The following PITPNM2 variants were observed in gnomAD, a reference collection of about 807,000 sequenced individuals.
The protein encoded by PITPNM2 is membrane-associated phosphatidylinositol transfer protein 2.
Under a neutral mutation model 132.2 loss-of-function variants are expected in PITPNM2, and 35 were observed. The observed-to-expected ratio is 0.26, with a 90% CI of 0.20 to 0.35. The LOEUF (loss-of-function observed/expected upper bound fraction) is 0.35. Ranked by LOEUF, PITPNM2 falls within the 10% of genes least tolerant of loss-of-function variation. PITPNM2 has a pLI of 1.00. For synonymous variants in PITPNM2, 738 were observed against 799.2 expected (o/e 0.92, Z 1.29); for missense variants, 1,332 against 1,912.0 (o/e 0.70, Z 5.66).
At chr12:123,085,820 C>T (rs1441294224) in intron 2 of PITPNM2, among the ~76,000 whole-genome samples, 1 of 152,212 alleles carries the variant, frequency 6.6e-6, no homozygotes, top group African/African-American at 2.4e-5. Flanking sequence ...ATGCTTAAAG[C>T]ACAGCGCAGA....
intron 3 of PITPNM2, among the ~76,000 whole-genome samples, chr12:123,029,501 G>A (rs1185523305): frequency 3.3e-5 from 5 of 152,198 alleles, no homozygotes; most frequent in South Asian, 4.1e-4. Context: ...CAGAGGAATC[G>A]CTTAAACCCG....
Position 123,004,326 on chromosome 12 carries a change from A to T in PITPNM2, c.1048+68T>A. ...CGCATCAGTCCACACCCACACCCTA[A>T]GCCCTTTCAGACCCCTCCCCACCTC... On this transcript the variant is annotated intron_variant, in intron 8 of 25. Transcript: ENST00000320201. The surrounding 1 kb of genome is among the most constrained non-coding windows in gnomAD (Gnocchi z 4.9). 1 of 1,459,502 alleles carries T rather than the reference A, an allele frequency of 6.9e-7. No homozygotes were observed. Among genetic ancestry groups the T allele is most frequent in the Admixed American group, 1.7e-5 (1 of 58,652 alleles). 90.4% of individuals were successfully genotyped at this position (1,459,502 alleles called of 1,614,324 possible).
intron 3 of PITPNM2, among the ~76,000 whole-genome samples, chr12:123,015,120 C>G (rs2039370150): frequency 6.6e-6 from 1 of 152,186 alleles, no homozygotes; most frequent in African/African-American, 2.4e-5. Context: ...CCCAAACAAC[C>G]TACAGATATA....
intron 2 of PITPNM2, among the ~76,000 whole-genome samples, chr12:123,039,292 A>G (rs1000766204): frequency 2.0e-5 from 3 of 152,234 alleles, no homozygotes; most frequent in Non-Finnish European, 4.4e-5. Context: ...TCAAAAAAAA[A>G]GAAAAAATTA....
At chr12:123,135,127 A>G (rs953310728) in intron 1 of PITPNM2, among the ~76,000 whole-genome samples, 3 of 152,110 alleles carry the variant, frequency 2.0e-5, no homozygotes, top group Non-Finnish European at 2.9e-5. Flanking sequence ...CACTTTACAC[A>G]TGCTGAATTA....
At chr12:123,071,829 A>G (rs552690245) in intron 2 of PITPNM2, among the ~76,000 whole-genome samples, 1 of 75,592 alleles carries the variant, frequency 1.3e-5, no homozygotes, top group African/African-American at 4.8e-5. Context: ...TGGGTCACAC[A>G]GCCAGGACTC....
chr12:123,005,165 G>C lies in PITPNM2; in HGVS notation c.952+75C>G. 3.3e-6 allele frequency: 5 copies of C among 1,500,986 alleles called. No individual in the cohort carries two copies. In the East Asian group the frequency reaches 1.1e-4, roughly 34 times the overall value. The allele number at this position is 1,500,986 out of a possible 1,614,324, so 93.0% of individuals were successfully genotyped here. On this transcript the variant is annotated intron_variant, in intron 7 of 25. Coordinates refer to ENST00000320201, the MANE Select transcript of PITPNM2 (RefSeq NM_020845.3). The surrounding 1 kb of genome is among the most constrained non-coding windows in gnomAD (Gnocchi z 6.2). ...TGGGAAAGAACTCTGAGGAGGTGCA[G>C]TGATCCAGCAGTGTGTGGGGCTGCC...
intron 3 of PITPNM2, among the ~76,000 whole-genome samples, chr12:123,026,075 C>T (rs541926036): frequency 2.6e-5 from 4 of 152,170 alleles, no homozygotes; most frequent in East Asian, 1.9e-4. Context: ...ATAGGTGCTC[C>T]GTAAATTCTT....
intron 2 of PITPNM2, among the ~76,000 whole-genome samples, chr12:123,042,995 T>C (rs1447189403): frequency 6.6e-6 from 1 of 152,076 alleles, no homozygotes; most frequent in Admixed American, 6.6e-5. Context: ...TGCCTCTCTG[T>C]GTCCTGGAGC....
At chr12:123,132,643 A>G (rs906216053) in intron 1 of PITPNM2, among the ~76,000 whole-genome samples, 2 of 151,902 alleles carry the variant, frequency 1.3e-5, no homozygotes. Context: ...TATCCCAACC[A>G]GAAGCTTTGT....
At position 122,992,976 on chromosome 12, in the gene PITPNM2, C is replaced by T. The variant is rs188618543; in HGVS notation, c.2234-307G>A. 2.6e-4 allele frequency among the ~76,000 whole-genome samples: 40 copies of T among 152,160 alleles called. No homozygotes were observed. The highest frequency in any genetic ancestry group is 9.4e-4 in the African/African-American group (39 of 41,488). On this transcript the variant is annotated intron_variant, in intron 15 of 25. Transcript: ENST00000320201. The surrounding 1 kb of genome is among the most constrained non-coding windows in gnomAD (Gnocchi z 6.5). ...GAGTAGCTGGGACCACAGGTGTGCA[C>T]CACCACACCTGGCTTTTTTATTTTA...
rs1373937652 is a variant in PITPNM2 at position 123,097,511 on chromosome 12, G to A, written c.-96+12874C>T. Among the ~76,000 whole-genome samples, 1 of 152,150 alleles carries A rather than the reference G, an allele frequency of 6.6e-6. No homozygotes were observed. Among genetic ancestry groups the A allele is most frequent in the Non-Finnish European group, 1.5e-5 (1 of 68,024 alleles). On this transcript the variant is annotated intron_variant, in intron 2 of 25. Coordinates refer to ENST00000320201, the MANE Select transcript of PITPNM2 (RefSeq NM_020845.3). The surrounding 1 kb of genome is among the most constrained non-coding windows in gnomAD (Gnocchi z 4.7). ...ACAGGCACAAGTGAGCTGTGGCTGG[G>A]AGTCAGGAAGGGAGATTGTCTTTCT...
chr12:123,015,123 C>T (rs1348047887), intron 3 of PITPNM2, among the ~76,000 whole-genome samples: 1 of 152,182 alleles, frequency 6.6e-6, no homozygotes, highest in Non-Finnish European at 1.5e-5. Context: ...AAACAACCTA[C>T]AGATATAATG....
At position 123,058,134 on chromosome 12, in the gene PITPNM2, C is replaced by T. The variant is rs531854899; in HGVS notation, c.-95-23449G>A. Among the ~76,000 whole-genome samples the T allele has an allele frequency of 4.6e-5, 7 of 152,266 alleles. No homozygotes were observed. The South Asian group carries it at 1.2e-3, about 27-fold the overall frequency. ...CACTTCTTCTTTTTGGGCATTTTGTCGGAAGGATAAACCAAGGCCAGGTGA... is the reference window on the plus strand; with the variant it reads ...CACTTCTTCTTTTTGGGCATTTTGTTGGAAGGATAAACCAAGGCCAGGTGA... On this transcript the variant is annotated intron_variant, in intron 2 of 25. Coordinates refer to ENST00000320201, the MANE Select transcript of PITPNM2 (RefSeq NM_020845.3). This position sits in a 1 kb window ranked among gnomAD's most constrained non-coding sequence, Gnocchi z 4.0.
At position 123,016,282 on chromosome 12, in the gene PITPNM2, C is replaced by T. The variant is rs562687145; in HGVS notation, c.79-2240G>A. Among the ~76,000 whole-genome samples, 96 of 150,370 alleles carry T rather than the reference C, an allele frequency of 6.4e-4. No homozygotes were observed. The South Asian group carries it at 8.2e-3, about 13-fold the overall frequency. ...CAGAGGTTGCAGTGAGCCAAGATCG[C>T]GCCACTGCAGTCCAGCCTGGGTGAC... On this transcript the variant is annotated intron_variant, in intron 3 of 25. Coordinates refer to ENST00000320201, the MANE Select transcript of PITPNM2 (RefSeq NM_020845.3).
chr12:123,107,967 T>C (rs965431048), intron 2 of PITPNM2, among the ~76,000 whole-genome samples: 7 of 152,156 alleles, frequency 4.6e-5, no homozygotes, highest in Non-Finnish European at 7.4e-5. Context: ...GAGAGGCTAA[T>C]GCGGACCCAG....
At chr12:123,137,220 A>T (rs2043401569) in intron 1 of PITPNM2, among the ~76,000 whole-genome samples, 1 of 151,998 alleles carries the variant, frequency 6.6e-6, no homozygotes, top group South Asian at 2.1e-4. Flanking sequence ...TGCCTTCCCT[A>T]CCACTATCTG....
Position 122,984,548 on chromosome 12 carries a change from A to G in PITPNM2, c.*1479T>C, listed in dbSNP as rs1258817552. On this transcript the variant is annotated 3_prime_UTR_variant, in exon 26 of 26. Coordinates refer to ENST00000320201, the MANE Select transcript of PITPNM2 (RefSeq NM_020845.3). ...CCAGACTTTTTTCTCTGCACAAAAT[A>G]AATAGCTTTCACTCTGTATAGACCC... The G allele has an allele frequency of 6.6e-6, 1 of 152,356 alleles. No individual in the cohort carries two copies. The highest frequency in any genetic ancestry group is 2.4e-5 in the African/African-American group (1 of 41,466). The allele number at this position is 152,356 out of a possible 1,614,324, so 9.4% of individuals were successfully genotyped here.
rs1177945484 is a variant in PITPNM2 at position 122,995,566 on chromosome 12, C to T, written c.1877G>A (p.Gly626Asp). The T allele has an allele frequency of 6.2e-7, 1 of 1,608,512 alleles. No homozygotes were observed. Among genetic ancestry groups the T allele is most frequent in the Non-Finnish European group, 8.5e-7 (1 of 1,179,838 alleles). ...GGGGGGGSSG[G>D]GGSSGGSSLE... ...GCTGGAGCCACCACTACTGCCACCA[C>T]CACCACTGCTGCCACCACCGCCACC... Residue 626 changes from glycine (G) to aspartate (D), a missense_variant, in exon 14 of 26, where the codon GGT becomes GAT. By Grantham distance (94) the Gly-to-Asp change is moderately conservative. Around this residue, in one of 6 missense-constraint regions of PITPNM2, gnomAD observed 710 missense variants for 911.5 expected, o/e 0.78. Coordinates refer to ENST00000320201, the MANE Select transcript of PITPNM2 (RefSeq NM_020845.3).
Sources: gnomAD v4.1 joint callset for allele counts (sites outside exome capture counted in the v4.1 genomes callset) on GRCh38, gnomAD v4.1.1 for gene constraint, gnomAD v4.1.1 regional missense constraint, Gnocchi (gnomAD v3.1) non-coding constraint, MANE v1.5 for transcripts, NCBI Gene and HGNC (gene_info 2026-07-23, HGNC 2026-07-21) for gene names.